The following ADRA1A variants were observed in gnomAD, a reference collection of about 807,000 sequenced individuals.
ADRA1A encodes the protein alpha-1A adrenergic receptor.
A neutral mutation model predicts 29.6 loss-of-function variants in ADRA1A; 31 were observed. That is an observed-to-expected ratio of 1.05 (90% confidence interval 0.79 to 1.41). The LOEUF (loss-of-function observed/expected upper bound fraction) is 1.41. ADRA1A is among the 40% of genes most tolerant of loss of function. The pLI is 0.00. For synonymous variants in ADRA1A, 311 were observed against 254.3 expected (o/e 1.22, Z -2.12); for missense variants, 619 against 601.1 (o/e 1.03, Z -0.31).
downstream of ADRA1A, among the ~76,000 whole-genome samples, chr8:26,767,304 A>G (rs1196324731): frequency 2.0e-5 from 3 of 152,174 alleles, no homozygotes; most frequent in East Asian, 5.8e-4. Context: ...ACATGTGAGT[A>G]TAAATATGAC....
At chr8:26,762,128 T>A (rs529443578), downstream of ADRA1A, among the ~76,000 whole-genome samples, 162 of 152,142 alleles carry the variant, frequency 1.1e-3, no homozygotes, top group African/African-American at 3.9e-3. This position sits in a 1 kb window ranked among gnomAD's most constrained non-coding sequence, Gnocchi z 4.0. Flanking sequence ...AAGAGAAGGT[T>A]ACTTTGCTGG....
At position 26,823,525 on chromosome 8, in the gene ADRA1A, C is replaced by A. The variant is rs1276978710; in HGVS notation, c.883+40562G>T. Among the ~76,000 whole-genome samples the A allele has an allele frequency of 6.6e-6, 1 of 152,190 alleles. No homozygotes were observed. The highest frequency in any genetic ancestry group is 1.5e-5 in the Non-Finnish European group (1 of 68,038). Reference sequence around the variant, plus strand: ...AAACTGAATTCTATGAAGAACAAAACCTTTCCTCCATCTTGGAAGTTGGGA... The same window carrying A: ...AAACTGAATTCTATGAAGAACAAAAACTTTCCTCCATCTTGGAAGTTGGGA... On this transcript the variant is annotated intron_variant, in intron 2 of 2. Coordinates refer to ENST00000380573, the MANE Select transcript of ADRA1A (RefSeq NM_000680.4). The surrounding 1 kb of genome is among the most constrained non-coding windows in gnomAD (Gnocchi z 4.2).
Position 26,806,927 on chromosome 8 carries a change from T to C in ADRA1A, c.884-36261A>G, listed in dbSNP as rs913225805. ...CCCAAACTCTGATAAGCTGGGTCTT[T>C]ACCAAGGGCCAAAGTGGCTTGGCTT... On this transcript the variant is annotated intron_variant, in intron 2 of 2. Coordinates refer to ENST00000380573, the MANE Select transcript of ADRA1A (RefSeq NM_000680.4). This position sits in a 1 kb window ranked among gnomAD's most constrained non-coding sequence, Gnocchi z 4.6. Among the ~76,000 whole-genome samples the C allele has an allele frequency of 7.2e-5, 11 of 152,180 alleles. No individual in the cohort carries two copies. Among genetic ancestry groups the C allele is most frequent in the African/African-American group, 2.4e-4 (10 of 41,434 alleles).
chr8:26,826,871 T>C (rs971686760), intron 2 of ADRA1A, among the ~76,000 whole-genome samples: 2 of 152,232 alleles, frequency 1.3e-5, no homozygotes, highest in Non-Finnish European at 2.9e-5. Flanking sequence ...TGGAAATAGA[T>C]TCAAGAGATA....
At chr8:26,850,090 A>G (rs1812516104) in intron 2 of ADRA1A, among the ~76,000 whole-genome samples, 1 of 151,540 alleles carries the variant, frequency 6.6e-6, no homozygotes. Flanking sequence ...TCCAAGAGGA[A>G]GATCAGAGCA....
At chr8:26,759,908 A>G (rs193111194) in intron 2 of ADRA1A, among the ~76,000 whole-genome samples, 141 of 152,326 alleles carry the variant, frequency 9.3e-4, no homozygotes, top group African/African-American at 3.4e-3. Context: ...TCCCCCTGTC[A>G]TTTCTAGATT....
chr8:26,803,045 CAG>C (rs1188372735), intron 2 of ADRA1A, among the ~76,000 whole-genome samples: 4 of 151,810 alleles, frequency 2.6e-5, no homozygotes, highest in Admixed American at 1.3e-4. Context: ...CTCATGGAGA[CAG>C]AGAGTAGAAT....
intron 2 of ADRA1A, among the ~76,000 whole-genome samples, chr8:26,837,561 G>A (rs1192462252): frequency 6.6e-6 from 1 of 151,536 alleles, no homozygotes; most frequent in Non-Finnish European, 1.5e-5. Flanking sequence ...TGAGGCACAA[G>A]AATCGCTTGA....
intron 2 of ADRA1A, chr8:26,778,905 G>T (rs1456536769): frequency 6.6e-6 from 1 of 151,584 alleles, no homozygotes; most frequent in Non-Finnish European, 1.5e-5. Flanking sequence ...TAACAAACCT[G>T]CATGTTCTGC....
chr8:26,762,009 T>C (rs1476269077), downstream of ADRA1A, among the ~76,000 whole-genome samples: 1 of 152,144 alleles, frequency 6.6e-6, no homozygotes, highest in Non-Finnish European at 1.5e-5. The surrounding 1 kb of genome is among the most constrained non-coding windows in gnomAD (Gnocchi z 4.0). Flanking sequence ...AAACCAGGTT[T>C]ACTTTATGGG....
intron 2 of ADRA1A, among the ~76,000 whole-genome samples, chr8:26,837,744 A>T (rs1274292331): frequency 6.6e-6 from 1 of 152,118 alleles, no homozygotes; most frequent in Non-Finnish European, 1.5e-5. Context: ...CACAAGGAAA[A>T]AAGCTTTGCT....
At chr8:26,750,315 C>A (rs933568178) in intron 2 of ADRA1A, among the ~76,000 whole-genome samples, 8 of 152,122 alleles carry the variant, frequency 5.3e-5, no homozygotes, top group Non-Finnish European at 2.9e-5. Context: ...CATTCCCCTG[C>A]CTCAGTCTCC....
chr8:26,766,356 T>C (rs1805788341), downstream of ADRA1A, among the ~76,000 whole-genome samples: 1 of 152,250 alleles, frequency 6.6e-6, no homozygotes, highest in Non-Finnish European at 1.5e-5. Context: ...CCCTTCTGCA[T>C]ACTCTTCTAT....
In ADRA1A at chr8:26,823,087, T is replaced by A. The variant is rs1289580541; in HGVS notation, c.883+41000A>T. ...ACCATATCACAGGCCAAGAAAGTTT[T>A]TCTCTCCTTTCCAACTGTGAACTGT... On this transcript the variant is annotated intron_variant, in intron 2 of 2. Transcript: ENST00000380573. This position sits in a 1 kb window ranked among gnomAD's most constrained non-coding sequence, Gnocchi z 4.2. Among the ~76,000 whole-genome samples, 1 of 152,176 alleles carries A rather than the reference T, an allele frequency of 6.6e-6. No individual in the cohort carries two copies. The highest frequency in any genetic ancestry group is 1.5e-5 in the Non-Finnish European group (1 of 68,030).
chr8:26,809,724 G>C (rs1809250868), intron 2 of ADRA1A, among the ~76,000 whole-genome samples: 1 of 152,200 alleles, frequency 6.6e-6, no homozygotes, highest in African/African-American at 2.4e-5. Flanking sequence ...AAATGGAATG[G>C]TTTCTTCCCA....
intron 2 of ADRA1A, among the ~76,000 whole-genome samples, chr8:26,852,948 C>T (rs969200170): frequency 2.6e-5 from 4 of 152,098 alleles, no homozygotes; most frequent in East Asian, 3.9e-4. Flanking sequence ...ACATGAATAA[C>T]GGTGATGTCA....
intron 2 of ADRA1A, among the ~76,000 whole-genome samples, chr8:26,837,391 CGGTAATCCCA>C (rs1330285520): frequency 6.6e-6 from 1 of 152,104 alleles, no homozygotes; most frequent in African/African-American, 2.4e-5. Context: ...CAACTCACAC[CGGTAATCCCA>C]GCACTTTGGG....
At chr8:26,839,030 A>G (rs1450431266) in intron 2 of ADRA1A, among the ~76,000 whole-genome samples, 1 of 152,244 alleles carries the variant, frequency 6.6e-6, no homozygotes, top group African/African-American at 2.4e-5. Flanking sequence ...ATTTCAATAG[A>G]TATCAAGATA....
In ADRA1A at chr8:26,770,894, A is replaced by C. The variant is rs572835050; in HGVS notation, c.884-228T>G. On this transcript the variant is annotated intron_variant, in intron 2 of 2. Coordinates refer to ENST00000380573, the MANE Select transcript of ADRA1A (RefSeq NM_000680.4). ...CGCGTGTGTCATTAATTACAGGAGCAGGCCCAGTGGGTAGGGTTGCACTGG... is the reference window on the plus strand; with the variant it reads ...CGCGTGTGTCATTAATTACAGGAGCCGGCCCAGTGGGTAGGGTTGCACTGG... 2.6e-5 allele frequency among the ~76,000 whole-genome samples: 4 copies of C among 152,348 alleles called. No individual in the cohort carries two copies. In the South Asian group the frequency reaches 8.3e-4, roughly 32 times the overall value.
Sources: gnomAD v4.1 joint callset for allele counts (sites outside exome capture counted in the v4.1 genomes callset) on GRCh38, gnomAD v4.1.1 for gene constraint, Gnocchi (gnomAD v3.1) non-coding constraint, MANE v1.5 for transcripts, NCBI Gene and HGNC (gene_info 2026-07-23, HGNC 2026-07-21) for gene names.